MRPS9: variants seen among roughly 807,000 people sequenced by gnomAD.
MRPS9 encodes mitochondrial ribosomal protein S9, also known as small ribosomal subunit protein uS9m.
A neutral mutation model predicts 59.9 loss-of-function variants in MRPS9; 45 were observed. The ratio of observed to expected loss-of-function variants is 0.75; its 90% CI spans 0.59 to 0.96. MRPS9 has a LOEUF of 0.96. Among genes scored for constraint, MRPS9 ranks in the 40% least tolerant of loss-of-function variants. The probability of loss-of-function intolerance (pLI) is 0.00; values close to 1 mark genes in which losing one functional copy is unlikely to be tolerated. For missense variants in MRPS9, 473 were observed against 481.1 expected, an observed-to-expected ratio of 0.98 and a Z score of 0.16; for synonymous variants, 171 against 166.8, an observed-to-expected ratio of 1.03 and a Z score of -0.19.
chr2:105,059,272 A>T (rs148645895), intron 2 of MRPS9, among the ~76,000 whole-genome samples: 2,093 of 152,168 alleles, frequency 0.014, 21 homozygotes, highest in Middle Eastern at 0.048. Flanking sequence ...CCTGTGGCAG[A>T]TTTTCTTCTG....
At chr2:105,043,508 G>A (rs1032111748) in intron 1 of MRPS9, among the ~76,000 whole-genome samples, 6 of 152,164 alleles carry the variant, frequency 3.9e-5, no homozygotes, top group South Asian at 2.1e-4. Context: ...TTGGAATACC[G>A]TTTTGTCTTA....
intron 2 of MRPS9, among the ~76,000 whole-genome samples, chr2:105,050,919 C>CAGT (rs2104442325): frequency 6.6e-6 from 1 of 152,266 alleles, no homozygotes; most frequent in Admixed American, 6.5e-5. Flanking sequence ...TGGCATGTGT[C>CAGT]AGTACTTCCT....
At chr2:105,049,401 T>G (rs750654855) in intron 2 of MRPS9, 51 bp downstream of exon 2, 7 of 1,505,260 alleles carry the variant, frequency 4.7e-6, no homozygotes, top group African/African-American at 1.4e-5. Context: ...GTTTTAGATA[T>G]TAAAAGCACT....
chr2:105,039,631 T>C (rs1299718238), intron 1 of MRPS9, among the ~76,000 whole-genome samples: 1 of 152,232 alleles, frequency 6.6e-6, no homozygotes, highest in Non-Finnish European at 1.5e-5. Context: ...ATGCAGTATA[T>C]TGTAAAGTAG....
intron 1 of MRPS9, among the ~76,000 whole-genome samples, chr2:105,041,171 C>T (rs189500079): frequency 7.9e-5 from 12 of 152,270 alleles, no homozygotes; most frequent in Admixed American, 7.8e-4. Flanking sequence ...TTGACAGTTT[C>T]CTTCCATGCT....
chr2:105,091,722 G>A (rs1452023872), intron 7 of MRPS9, among the ~76,000 whole-genome samples: 2 of 152,062 alleles, frequency 1.3e-5, no homozygotes, highest in Non-Finnish European at 2.9e-5. Context: ...ACTTTAGAGT[G>A]ATTATTCTGG....
intron 2 of MRPS9, among the ~76,000 whole-genome samples, chr2:105,070,554 G>A (rs1680093845): frequency 6.6e-6 from 1 of 152,146 alleles, no homozygotes; most frequent in Admixed American, 6.5e-5. Flanking sequence ...CAACAAGAAG[G>A]AAAGTGTACA....
chr2:105,073,848 C>A (rs927668772), intron 4 of MRPS9, among the ~76,000 whole-genome samples: 3 of 152,048 alleles, frequency 2.0e-5, no homozygotes, highest in African/African-American at 7.2e-5. Context: ...CATTTAGCAT[C>A]GAAATGTTCA....
intron 7 of MRPS9, chr2:105,091,419 C>T (rs1680556153): frequency 4.2e-6 from 2 of 470,690 alleles, no homozygotes; most frequent in African/African-American, 4.0e-5. Context: ...GAGCTCTGCC[C>T]ACCCAATATC....
intron 4 of MRPS9, among the ~76,000 whole-genome samples, chr2:105,075,313 C>G (rs1317233073): frequency 2.0e-5 from 3 of 152,130 alleles, no homozygotes; most frequent in African/African-American, 7.2e-5. Flanking sequence ...AACACCCACT[C>G]TGGTCCCAGT....
At chr2:105,056,053 C>T (rs904478497) in intron 2 of MRPS9, among the ~76,000 whole-genome samples, 3 of 152,094 alleles carry the variant, frequency 2.0e-5, no homozygotes, top group Admixed American at 6.5e-5. Context: ...ATAAGGGAAA[C>T]CTATTTTTAA....
intron 4 of MRPS9, among the ~76,000 whole-genome samples, chr2:105,077,469 G>C (rs1356001598): frequency 6.8e-6 from 1 of 148,040 alleles, no homozygotes; most frequent in Non-Finnish European, 1.5e-5. Flanking sequence ...GTGTAACTTT[G>C]AGTGGAAAAA....
intron 2 of MRPS9, among the ~76,000 whole-genome samples, chr2:105,064,892 A>G (rs1679972430): frequency 6.6e-6 from 1 of 152,256 alleles, no homozygotes; most frequent in Non-Finnish European, 1.5e-5. Flanking sequence ...AAAGATGCAA[A>G]GTATCACTGA....
chr2:105,084,067 C>A (rs1391383797), intron 5 of MRPS9, among the ~76,000 whole-genome samples: 1 of 151,962 alleles, frequency 6.6e-6, no homozygotes, highest in Non-Finnish European at 1.5e-5. Flanking sequence ...ACAAAAGCTC[C>A]CCTCATCCCA....
intron 10 of MRPS9, 85 bp downstream of exon 10, chr2:105,097,409 T>C: frequency 2.4e-6 from 3 of 1,231,976 alleles, no homozygotes; most frequent in South Asian, 2.2e-5. Context: ...CTGAAGTTCG[T>C]AAGAAAATAT....
intron 1 of MRPS9, among the ~76,000 whole-genome samples, chr2:105,044,866 T>G (rs1328342352): frequency 6.6e-6 from 1 of 152,226 alleles, no homozygotes; most frequent in Non-Finnish European, 1.5e-5. Context: ...CCACAGCTAC[T>G]TAACACTGTC....
At chr2:105,092,642 G>C in intron 8 of MRPS9, 73 bp downstream of exon 8, 1 of 1,247,274 alleles carries the variant, frequency 8.0e-7, no homozygotes, top group Non-Finnish European at 1.1e-6. Context: ...ATTTGCTATT[G>C]CTTTCTGGTA....
Position 105,047,811 on chromosome 2 carries a change from A to G in MRPS9, c.136-1360A>G, listed in dbSNP as rs140512670. 1.5e-3 allele frequency among the ~76,000 whole-genome samples: 226 copies of G among 152,196 alleles called. 1 individual carries two copies. The highest frequency in any genetic ancestry group is 5.2e-3 in the African/African-American group (217 of 41,568). On this transcript the variant is annotated intron_variant, in intron 1 of 10. Transcript: ENST00000258455. Reference sequence around the variant, plus strand: ...GCCTTGGAGGGAAATTCCTAGTGCCACAGCATAAAAGGACCAGCAGCAGCA... The same window carrying G: ...GCCTTGGAGGGAAATTCCTAGTGCCGCAGCATAAAAGGACCAGCAGCAGCA...
At chr2:105,092,960 G>A (rs932932289) in intron 8 of MRPS9, among the ~76,000 whole-genome samples, 8 of 152,114 alleles carry the variant, frequency 5.3e-5, no homozygotes, top group Non-Finnish European at 1.2e-4. Flanking sequence ...AAAACTTCAC[G>A]TCCTTAACTC....
Sources: gnomAD v4.1 joint callset for allele counts (sites outside exome capture counted in the v4.1 genomes callset) on GRCh38, gnomAD v4.1.1 for gene constraint, MANE v1.5 for transcripts, NCBI Gene and HGNC (gene_info 2026-07-23, HGNC 2026-07-21) for gene names.